MKLN1: variants seen among roughly 807,000 people sequenced by gnomAD.
MKLN1 encodes muskelin 1.
A neutral mutation model predicts 99.0 loss-of-function variants in MKLN1; 18 were observed. The ratio of observed to expected loss-of-function variants is 0.18; its 90% CI spans 0.13 to 0.27. The LOEUF (loss-of-function observed/expected upper bound fraction) is 0.27, where lower values mean the gene tolerates loss of function less well. Among genes scored for constraint, MKLN1 ranks in the 10% least tolerant of loss-of-function variants. MKLN1 has a pLI of 1.00. For synonymous variants in MKLN1, 288 were observed against 293.2 expected (o/e 0.98, Z 0.18); for missense variants, 621 against 875.9 (o/e 0.71, Z 3.67).
rs11291759 is a variant in MKLN1 at position 131,335,695 on chromosome 7, G to GT, written c.98+7713dup. Among the ~76,000 whole-genome samples the GT allele has an allele frequency of 7.9e-3, 1,139 of 144,222 alleles. 6 individuals are homozygous for GT. The highest frequency in any genetic ancestry group is 0.011 in the East Asian group (54 of 4,990). 94.6% of individuals were successfully genotyped at this position (144,222 alleles called of 152,430 possible). On this transcript the variant is annotated intron_variant, in intron 1 of 17. Coordinates refer to ENST00000352689, the MANE Select transcript of MKLN1 (RefSeq NM_013255.5). ...TTTTGGCTTATTCTTTGACCTGTAGGTTTTTTTTTTTTTTTAACAAATGTA... is the reference window on the plus strand; with the variant it reads ...TTTTGGCTTATTCTTTGACCTGTAGGTTTTTTTTTTTTTTTTAACAAATGTA...
intron 3 of MKLN1, 76 bp from the exon 4 acceptor site, chr7:131,388,808 G>A (rs1172194451): frequency 2.3e-6 from 2 of 884,350 alleles, no homozygotes; most frequent in Middle Eastern, 2.6e-4. Flanking sequence ...TAAAACCTGA[G>A]TGTGCATTAA....
chr7:131,397,092 G>A (rs1794382354), intron 4 of MKLN1, among the ~76,000 whole-genome samples, 175 bp from the exon 5 acceptor site: 1 of 152,050 alleles, frequency 6.6e-6, no homozygotes, highest in Non-Finnish European at 1.5e-5. Context: ...TGGTGGCATG[G>A]GTCATCTGTT....
intron 6 of MKLN1, among the ~76,000 whole-genome samples, chr7:131,405,608 C>T (rs1333054047): frequency 2.0e-5 from 3 of 152,156 alleles, no homozygotes; most frequent in South Asian, 4.1e-4. Context: ...ATTTCCTCCT[C>T]TTGTTCTTTA....
chr7:131,355,922 A>G (rs1159549255), intron 1 of MKLN1, among the ~76,000 whole-genome samples: 1 of 151,932 alleles, frequency 6.6e-6, no homozygotes, highest in Non-Finnish European at 1.5e-5. Context: ...TTCATCTACA[A>G]ACACTCTAAT....
At chr7:131,374,888 A>G (rs1793591864) in intron 1 of MKLN1, among the ~76,000 whole-genome samples, 1 of 151,874 alleles carries the variant, frequency 6.6e-6, no homozygotes, top group South Asian at 2.1e-4. Flanking sequence ...TAATATGTAT[A>G]TATGGTATTT....
At chr7:131,245,911 G>A (rs1563265592) in intron 3 of MKLN1, among the ~76,000 whole-genome samples, 1 of 152,212 alleles carries the variant, frequency 6.6e-6, no homozygotes, top group Non-Finnish European at 1.5e-5. Context: ...TATTTTGAAA[G>A]GGACCTCAGA....
chr7:131,196,685 G>A (rs996355187), intron 2 of MKLN1, among the ~76,000 whole-genome samples: 6 of 152,164 alleles, frequency 3.9e-5, no homozygotes, highest in African/African-American at 1.2e-4. Context: ...AAGGCTGCTT[G>A]TACAGTGTAG....
At chr7:131,362,040 G>C (rs562975635) in intron 1 of MKLN1, among the ~76,000 whole-genome samples, 27 of 152,088 alleles carry the variant, frequency 1.8e-4, no homozygotes, top group Admixed American at 5.9e-4. Context: ...CTTTAAACTT[G>C]AAAGATAGTT....
intron 17 of MKLN1, among the ~76,000 whole-genome samples, chr7:131,479,952 G>A (rs953999915): frequency 6.6e-6 from 1 of 150,930 alleles, no homozygotes; most frequent in African/African-American, 2.4e-5. Context: ...ACCCAGGAGG[G>A]GGAGGTTGCA....
intron 3 of MKLN1, among the ~76,000 whole-genome samples, chr7:131,240,458 C>T (rs190390358): frequency 7.9e-5 from 12 of 151,730 alleles, no homozygotes; most frequent in African/African-American, 2.4e-4. Flanking sequence ...ATCATGCAAA[C>T]GTTTAAAAAT....
chr7:131,273,398 A>T (rs1256042007), intron 3 of MKLN1, among the ~76,000 whole-genome samples: 2 of 152,160 alleles, frequency 1.3e-5, no homozygotes, highest in African/African-American at 4.8e-5. Context: ...GAATGTGCTT[A>T]GTGGCCTGTG....
chr7:131,241,942 C>T (rs188751807), intron 3 of MKLN1, among the ~76,000 whole-genome samples: 13 of 152,288 alleles, frequency 8.5e-5, no homozygotes, highest in African/African-American at 2.6e-4. Flanking sequence ...ATCTCTTACC[C>T]GCTTGCAACA....
chr7:131,239,256 T>C (rs1254129757), intron 3 of MKLN1, among the ~76,000 whole-genome samples: 1 of 152,184 alleles, frequency 6.6e-6, no homozygotes, highest in Non-Finnish European at 1.5e-5. Context: ...TATGCATACA[T>C]TGTGGAATGG....
In MKLN1 at chr7:131,438,723, G is replaced by GT. The variant is rs554373314; in HGVS notation, c.1173+734dup. On this transcript the variant is annotated intron_variant, in intron 10 of 17. Transcript: ENST00000352689. ...TTACCTGGCTCAACCCATGTCCAAA[G>GT]TTTTTTTTGATGTATTGAGGAGAAA... 5.4e-4 allele frequency among the ~76,000 whole-genome samples: 82 copies of GT among 151,338 alleles called. 2 individuals carry two copies. In the South Asian group the frequency reaches 0.014, roughly 27 times the overall value.
intron 3 of MKLN1, among the ~76,000 whole-genome samples, chr7:131,225,323 T>A (rs78150856): frequency 0.16 from 23,904 of 152,104 alleles, 2,244 homozygotes; most frequent in South Asian, 0.26. Flanking sequence ...CTCCGAGGTC[T>A]CTTTTATAAG....
chr7:131,141,448 T>A (rs1444008712), intron 1 of MKLN1, among the ~76,000 whole-genome samples: 1 of 152,208 alleles, frequency 6.6e-6, no homozygotes, highest in Non-Finnish European at 1.5e-5. Context: ...AACTCCAACA[T>A]GTAATCTATC....
intron 1 of MKLN1, among the ~76,000 whole-genome samples, chr7:131,115,612 TC>T (rs1795264106): frequency 6.6e-6 from 1 of 152,118 alleles, no homozygotes. Flanking sequence ...TCCAGACTCC[TC>T]CTCCATGCAG....
At chr7:131,283,846 A>T (rs1349583295) in intron 3 of MKLN1, among the ~76,000 whole-genome samples, 1 of 152,230 alleles carries the variant, frequency 6.6e-6, no homozygotes, top group Non-Finnish European at 1.5e-5. Context: ...CAAGTTTTGC[A>T]TGTTTAAACC....
intron 4 of MKLN1, 77 bp from the exon 5 acceptor site, chr7:131,397,190 A>T: frequency 1.1e-6 from 1 of 951,444 alleles, no homozygotes; most frequent in Non-Finnish European, 1.6e-6. Flanking sequence ...AAGGTTGAAT[A>T]GTGCTTTTAC....
Sources: gnomAD v4.1 joint callset for allele counts (sites outside exome capture counted in the v4.1 genomes callset) on GRCh38, gnomAD v4.1.1 for gene constraint, MANE v1.5 for transcripts, NCBI Gene and HGNC (gene_info 2026-07-23, HGNC 2026-07-21) for gene names.